ADAMTS17: variants seen among roughly 807,000 people sequenced by gnomAD.
ADAMTS17 encodes the protein ADAM metallopeptidase with thrombospondin type 1 motif 17.
ADAMTS17 carries 113 observed loss-of-function variants against 141.5 expected under a neutral mutation model. The ratio of observed to expected loss-of-function variants is 0.80; its 90% CI spans 0.69 to 0.93. The LOEUF (loss-of-function observed/expected upper bound fraction) is 0.93, where lower values mean the gene tolerates loss of function less well. Among genes scored for constraint, ADAMTS17 ranks in the 40% least tolerant of loss-of-function variants. The pLI, the probability that ADAMTS17 is intolerant of heterozygous loss-of-function variation, is 0.00. For missense variants in ADAMTS17, 1,659 were observed against 1,517.9 expected, an observed-to-expected ratio of 1.09 and a Z score of -1.54; for synonymous variants, 768 against 630.6, an observed-to-expected ratio of 1.22 and a Z score of -3.27.
intron 18 of ADAMTS17, among the ~76,000 whole-genome samples, chr15:100,046,875 T>C (rs951007063): frequency 6.6e-6 from 1 of 152,160 alleles, no homozygotes; most frequent in East Asian, 1.9e-4. Flanking sequence ...TCTGGGCACC[T>C]TGAAAAAAGA....
At chr15:99,983,324 CAG>C (rs2060519334) in intron 20 of ADAMTS17, among the ~76,000 whole-genome samples, 1 of 152,106 alleles carries the variant, frequency 6.6e-6, no homozygotes, top group African/African-American at 2.4e-5. Context: ...CGCCACCTTT[CAG>C]AGAGGCAGAA....
intron 3 of ADAMTS17, among the ~76,000 whole-genome samples, chr15:100,317,808 G>C (rs1035474641): frequency 6.6e-6 from 1 of 152,218 alleles, no homozygotes; most frequent in Non-Finnish European, 1.5e-5. Context: ...TGGGTGCCTT[G>C]CTGGGCATAA....
chr15:100,191,812 C>T (rs1451574318), intron 8 of ADAMTS17, among the ~76,000 whole-genome samples: 3 of 152,130 alleles, frequency 2.0e-5, no homozygotes, highest in Admixed American at 6.5e-5. Flanking sequence ...AGCAAGAAAT[C>T]AGGCAATGCT....
intron 20 of ADAMTS17, 62 bp downstream of exon 20, chr15:99,992,986 T>C (rs1225306949): frequency 1.2e-6 from 2 of 1,606,906 alleles, no homozygotes; most frequent in African/African-American, 2.7e-5. Context: ...AAGAGCTGAG[T>C]TCCCGACCCT....
chr15:100,098,566 G>A (rs2035904318), intron 14 of ADAMTS17, among the ~76,000 whole-genome samples: 1 of 152,068 alleles, frequency 6.6e-6, no homozygotes, highest in South Asian at 2.1e-4. Context: ...AGGAGGCTGA[G>A]GCAGGAGAGT....
intron 20 of ADAMTS17, among the ~76,000 whole-genome samples, chr15:99,987,182 C>T (rs2060606910): frequency 6.6e-6 from 1 of 152,204 alleles, no homozygotes. Flanking sequence ...ACAGTCTCAT[C>T]TTTCTCAACA....
At chr15:100,143,707 T>C (rs1188372353) in intron 10 of ADAMTS17, among the ~76,000 whole-genome samples, 2 of 152,110 alleles carry the variant, frequency 1.3e-5, no homozygotes, top group Non-Finnish European at 2.9e-5. Flanking sequence ...GCCTCCAGAG[T>C]CCTAAGAATT....
chr15:100,032,608 G>A (rs932060883), intron 18 of ADAMTS17, among the ~76,000 whole-genome samples: 5 of 152,110 alleles, frequency 3.3e-5, no homozygotes, highest in South Asian at 2.1e-4. Context: ...CTCTTGCCCC[G>A]CTTTTGGATA....
intron 15 of ADAMTS17, among the ~76,000 whole-genome samples, chr15:100,081,522 T>C (rs1416576750): frequency 2.0e-5 from 3 of 152,200 alleles, no homozygotes; most frequent in Admixed American, 2.0e-4. Context: ...AATTCTATCT[T>C]TATAAAGCTG....
chr15:100,307,694 G>A (rs1000339290), intron 3 of ADAMTS17, among the ~76,000 whole-genome samples: 23 of 152,200 alleles, frequency 1.5e-4, no homozygotes, highest in African/African-American at 5.1e-4. Flanking sequence ...CTGAGCATTT[G>A]AGGAGGAGAA....
chr15:100,239,607 T>A (rs1375813073), intron 7 of ADAMTS17, among the ~76,000 whole-genome samples: 1 of 152,006 alleles, frequency 6.6e-6, no homozygotes, highest in Non-Finnish European at 1.5e-5. Flanking sequence ...CAGGAGGAAG[T>A]GTTGGAGACG....
intron 4 of ADAMTS17, among the ~76,000 whole-genome samples, chr15:100,278,311 C>T (rs1487550668): frequency 2.1e-5 from 3 of 140,334 alleles, no homozygotes; most frequent in Non-Finnish European, 3.0e-5. Flanking sequence ...TTTCGTATTA[C>T]ATATGCATTC....
At chr15:100,141,965 C>A (rs959744525) in intron 10 of ADAMTS17, among the ~76,000 whole-genome samples, 1 of 152,234 alleles carries the variant, frequency 6.6e-6, no homozygotes, top group Admixed American at 6.5e-5. Context: ...CCCCGCCAGC[C>A]ACCCATTCTG....
At chr15:99,996,685 A>G (rs1434517851) in intron 19 of ADAMTS17, among the ~76,000 whole-genome samples, 1 of 152,220 alleles carries the variant, frequency 6.6e-6, no homozygotes, top group Non-Finnish European at 1.5e-5. Context: ...AATTTTCCAC[A>G]CTGAAGAGTG....
chr15:100,125,480 G>A (rs1257753199), intron 12 of ADAMTS17, among the ~76,000 whole-genome samples: 3 of 152,054 alleles, frequency 2.0e-5, no homozygotes, highest in Non-Finnish European at 4.4e-5. Flanking sequence ...GGTGCATGTG[G>A]GCGGCACCTC....
intron 15 of ADAMTS17, among the ~76,000 whole-genome samples, chr15:100,068,158 G>T (rs2033688364): frequency 6.6e-6 from 1 of 152,154 alleles, no homozygotes; most frequent in South Asian, 2.1e-4. Context: ...CTCATTGCTA[G>T]CACAGCAGTC....
intron 2 of ADAMTS17, chr15:100,339,126 CACTG>C (rs2046290657): frequency 1.0e-6 from 1 of 985,412 alleles, no homozygotes; most frequent in South Asian, 4.7e-5. Flanking sequence ...CACTGGCACA[CACTG>C]AACTCAGCCT....
intron 18 of ADAMTS17, among the ~76,000 whole-genome samples, chr15:100,036,799 G>A (rs2030766099): frequency 6.6e-6 from 1 of 152,018 alleles, no homozygotes; most frequent in Non-Finnish European, 1.5e-5. Flanking sequence ...TACCGATTTT[G>A]TCTCATCTAG....
intron 8 of ADAMTS17, among the ~76,000 whole-genome samples, chr15:100,160,592 G>A (rs12443035): frequency 0.017 from 2,619 of 152,308 alleles, 65 homozygotes; most frequent in East Asian, 0.1. Context: ...TTACAAAAGC[G>A]CTTGGAAAAG....
Sources: allele counts gnomAD v4.1 joint callset (sites outside exome capture counted in the v4.1 genomes callset), GRCh38; gene constraint gnomAD v4.1.1; transcripts MANE v1.5; gene names NCBI Gene and HGNC (gene_info 2026-07-23, HGNC 2026-07-21).